Variants in GALNTL6 observed in about 807,000 individuals in gnomAD.
GALNTL6 encodes the protein polypeptide N-acetylgalactosaminyltransferase like 6, also known as polypeptide N-acetylgalactosaminyltransferase-like 6.
Under a neutral mutation model 73.7 loss-of-function variants are expected in GALNTL6, and 46 were observed. The observed-to-expected ratio is 0.62, with a 90% CI of 0.49 to 0.80. The LOEUF is 0.80. GALNTL6 is among the 30% of genes least tolerant of loss of function. GALNTL6 has a pLI of 0.00. For synonymous variants in GALNTL6, 259 were observed against 263.7 expected (o/e 0.98, Z 0.17); for missense variants, 604 against 755.0 (o/e 0.80, Z 2.34).
chr4:172,658,899 A>C (rs1405972644), intron 5 of GALNTL6, among the ~76,000 whole-genome samples: 1 of 152,076 alleles, frequency 6.6e-6, no homozygotes, highest in East Asian at 1.9e-4. Flanking sequence ...AATTCTCTCT[A>C]CTTCAGTTTC....
At chr4:172,959,186 G>T (rs1009539567) in intron 10 of GALNTL6, among the ~76,000 whole-genome samples, 2 of 152,048 alleles carry the variant, frequency 1.3e-5, no homozygotes, top group African/African-American at 4.8e-5. Flanking sequence ...TCACTGAGGA[G>T]GGAGTAGAGG....
chr4:172,981,793 C>A, intron 10 of GALNTL6, among the ~76,000 whole-genome samples: 1 of 139,566 alleles, frequency 7.2e-6, no homozygotes, highest in African/African-American at 2.6e-5. Flanking sequence ...GTAGTATGAA[C>A]GTCTTTTTTT....
chr4:172,771,458 C>T (rs1738754910), intron 5 of GALNTL6, among the ~76,000 whole-genome samples: 1 of 152,202 alleles, frequency 6.6e-6, no homozygotes. Flanking sequence ...CCATTAATCA[C>T]TAGGTGTAAT....
At chr4:172,035,563 A>C (rs939552429) in intron 2 of GALNTL6, among the ~76,000 whole-genome samples, 1 of 152,148 alleles carries the variant, frequency 6.6e-6, no homozygotes, top group African/African-American at 2.4e-5. Context: ...AGCCAGGAAA[A>C]AGGAGAATAT....
chr4:172,217,893 AG>A (rs1560974640), intron 2 of GALNTL6, among the ~76,000 whole-genome samples: 1 of 152,062 alleles, frequency 6.6e-6, no homozygotes, highest in Admixed American at 6.6e-5. Flanking sequence ...TGTTTACTGT[AG>A]GTTTAGGTAT....
At chr4:172,795,345 A>C (rs534277561) in intron 5 of GALNTL6, among the ~76,000 whole-genome samples, 1 of 152,258 alleles carries the variant, frequency 6.6e-6, no homozygotes, top group East Asian at 1.9e-4. Flanking sequence ...ACAAGAAAAA[A>C]GGGAGAGCAT....
At chr4:172,042,652 T>A (rs1742114724) in intron 2 of GALNTL6, among the ~76,000 whole-genome samples, 1 of 151,756 alleles carries the variant, frequency 6.6e-6, no homozygotes, top group South Asian at 2.1e-4. Context: ...AATCTGCTTT[T>A]TTTAAAAAAA....
intron 3 of GALNTL6, among the ~76,000 whole-genome samples, chr4:172,274,785 T>A (rs1179571743): frequency 1.3e-5 from 2 of 152,176 alleles, no homozygotes; most frequent in Non-Finnish European, 1.5e-5. Context: ...AGAATAAAAG[T>A]GAATTACTTT....
At chr4:172,163,542 CA>C (rs1400119551) in intron 2 of GALNTL6, among the ~76,000 whole-genome samples, 2 of 151,938 alleles carry the variant, frequency 1.3e-5, no homozygotes, top group Non-Finnish European at 2.9e-5. Flanking sequence ...ACGATTTCTT[CA>C]AAGTAACCTA....
intron 8 of GALNTL6, among the ~76,000 whole-genome samples, chr4:172,898,237 T>C (rs566571141): frequency 5.9e-4 from 90 of 152,078 alleles, no homozygotes; most frequent in African/African-American, 2.0e-3. Context: ...ATTATTTTTA[T>C]CTGAAATTGC....
chr4:171,890,685 C>A (rs949476534), intron 2 of GALNTL6, among the ~76,000 whole-genome samples: 1 of 152,072 alleles, frequency 6.6e-6, no homozygotes, highest in South Asian at 2.1e-4. Flanking sequence ...CCAGCTGGTA[C>A]ACTTAAGATT....
At chr4:172,625,936 A>G (rs1739151483) in intron 5 of GALNTL6, among the ~76,000 whole-genome samples, 1 of 151,992 alleles carries the variant, frequency 6.6e-6, no homozygotes, top group Non-Finnish European at 1.5e-5. Context: ...TTGGATGCAT[A>G]GTTTGCAAAT....
rs1280052487 is a variant in GALNTL6 at position 172,308,646 on chromosome 4, C to G, written c.248-2968C>G. Among the ~76,000 whole-genome samples, 13 of 152,016 alleles carry G rather than the reference C, an allele frequency of 8.6e-5. No individual in the cohort carries two copies. In the East Asian group the frequency reaches 2.5e-3, roughly 29 times the overall value. ...GGTGTATCACATTTATTGACTTGCA[C>G]CTGGCATAAAATTTTCTTTTTAAAT... On this transcript the variant is annotated intron_variant, in intron 3 of 12. Transcript: ENST00000506823.
rs538849751 is a variant in GALNTL6, at chr4:172,818,808, A to T, written c.923+5085A>T. Among the ~76,000 whole-genome samples the T allele has an allele frequency of 4.7e-4, 71 of 152,304 alleles. 3 individuals are homozygous for T. In the South Asian group the frequency reaches 0.014, roughly 31 times the overall value. On this transcript the variant is annotated intron_variant, in intron 7 of 12. Transcript: ENST00000506823. ...GAGACAGGGTTTTGCCATGTTGGTC[A>T]GGCTGGTCTTGAACTCCTGACCTCA...
chr4:171,946,581 A>G (rs1278640467), intron 2 of GALNTL6, among the ~76,000 whole-genome samples: 1 of 152,208 alleles, frequency 6.6e-6, no homozygotes, highest in Non-Finnish European at 1.5e-5. Context: ...CTCATGGGAC[A>G]TGCAGAAAAC....
chr4:172,326,776 T>G (rs1740958053), intron 4 of GALNTL6, among the ~76,000 whole-genome samples: 1 of 151,976 alleles, frequency 6.6e-6, no homozygotes. Context: ...TTCGTTTGGA[T>G]TAATTTTATA....
chr4:172,281,704 T>G (rs1489799890), intron 3 of GALNTL6, among the ~76,000 whole-genome samples: 2 of 152,072 alleles, frequency 1.3e-5, no homozygotes, highest in Non-Finnish European at 2.9e-5. Flanking sequence ...GAGTGAGACC[T>G]TGTCAAAACA....
chr4:171,882,882 G>A (rs1187756749), intron 2 of GALNTL6, among the ~76,000 whole-genome samples: 1 of 152,176 alleles, frequency 6.6e-6, no homozygotes, highest in Non-Finnish European at 1.5e-5. Flanking sequence ...CGTTGTAGAA[G>A]GACTTTCCAG....
At chr4:171,890,460 C>G (rs917987763) in intron 2 of GALNTL6, among the ~76,000 whole-genome samples, 59 of 152,180 alleles carry the variant, frequency 3.9e-4, no homozygotes, top group African/African-American at 1.3e-3. Context: ...CATGTACTCT[C>G]TCTATATTTT....
Sources: gnomAD v4.1 joint callset for allele counts (sites outside exome capture counted in the v4.1 genomes callset) on GRCh38, gnomAD v4.1.1 for gene constraint, MANE v1.5 for transcripts, NCBI Gene and HGNC (gene_info 2026-07-23, HGNC 2026-07-21) for gene names.